Variants in EPB41L1 observed in about 807,000 individuals in gnomAD.
EPB41L1 encodes band 4.1-like protein 1.
Under a neutral mutation model 97.8 loss-of-function variants are expected in EPB41L1, and 29 were observed. The observed-to-expected ratio is 0.30, with a 90% CI of 0.22 to 0.40. The LOEUF (loss-of-function observed/expected upper bound fraction) is 0.40, where lower values mean the gene tolerates loss of function less well. EPB41L1 is among the 10% of genes least tolerant of loss of function. EPB41L1 has a pLI of 1.00. For synonymous variants in EPB41L1, 383 were observed against 459.2 expected, an observed-to-expected ratio of 0.83 and a Z score of 2.12; for missense variants, 812 against 1,162.3, an observed-to-expected ratio of 0.70 and a Z score of 4.38.
chr20:36,187,523 C>T (rs1332813581), intron 7 of EPB41L1, among the ~76,000 whole-genome samples, 153 bp from the exon 8 acceptor site: 1 of 152,130 alleles, frequency 6.6e-6, no homozygotes, highest in Non-Finnish European at 1.5e-5. Context: ...TGGGGTACAC[C>T]CTCCTGCTCT....
Position 36,212,498 on chromosome 20 carries a change from T to G in EPB41L1, c.2184+122T>G. 1 of 802,670 alleles carries G rather than the reference T, an allele frequency of 1.2e-6. No individual in the cohort carries two copies. The highest frequency in any genetic ancestry group is 2.1e-6 in the Non-Finnish European group (1 of 480,698). The allele number at this position is 802,670 out of a possible 1,614,324, so 49.7% of individuals were successfully genotyped here. On this transcript the variant is annotated intron_variant, in intron 16 of 21. Transcript: ENST00000338074. This position sits in a 1 kb window ranked among gnomAD's most constrained non-coding sequence, Gnocchi z 4.8. Reference sequence around the variant, plus strand: ...AATCTCAGCTTCCCTGGAACCCATATGTTAATCCTGATGCTCTCCTGTGCC... The same window carrying G: ...AATCTCAGCTTCCCTGGAACCCATAGGTTAATCCTGATGCTCTCCTGTGCC...
intron 2 of EPB41L1, among the ~76,000 whole-genome samples, chr20:36,175,159 C>T (rs1321238395): frequency 6.6e-6 from 1 of 152,182 alleles, no homozygotes; most frequent in African/African-American, 2.4e-5. Context: ...TCCACAGCTC[C>T]CAGACTCCTG....
chr20:36,104,030 A>G (rs1480382948), intron 1 of EPB41L1, among the ~76,000 whole-genome samples: 1 of 152,138 alleles, frequency 6.6e-6, no homozygotes, highest in Non-Finnish European at 1.5e-5. Flanking sequence ...ACAAACATCT[A>G]CTACGTTCTG....
In EPB41L1 at chr20:36,190,495, C is replaced by T; in HGVS notation, c.1124+121C>T. On this transcript the variant is annotated intron_variant, in intron 10 of 21. Transcript: ENST00000338074. The surrounding 1 kb of genome is among the most constrained non-coding windows in gnomAD (Gnocchi z 5.8). Reference sequence around the variant, plus strand: ...CCTCCACCCTTTCCCCAAGTCCCTCCCTTCCTGGACCACTTTGAATTGTTG... The same window carrying T: ...CCTCCACCCTTTCCCCAAGTCCCTCTCTTCCTGGACCACTTTGAATTGTTG... 2.6e-6 allele frequency: 4 copies of T among 1,529,712 alleles called. No homozygotes were observed. The highest frequency in any genetic ancestry group is 3.6e-6 in the Non-Finnish European group (4 of 1,115,224). The allele number at this position is 1,529,712 out of a possible 1,614,324, so 94.8% of individuals were successfully genotyped here. A position where few individuals can be genotyped will look rare whatever the true frequency, so the allele number is the denominator to read the frequency against.
At chr20:36,187,101 C>G (rs1197296376) in intron 7 of EPB41L1, among the ~76,000 whole-genome samples, 1 of 152,102 alleles carries the variant, frequency 6.6e-6, no homozygotes, top group African/African-American at 2.4e-5. Context: ...AGAACAGTAA[C>G]CAGCACATAG....
chr20:36,093,832 T>A lies in EPB41L1; in HGVS notation c.-65+2220T>A, dbSNP rs1406795042. On this transcript the variant is annotated intron_variant, in intron 1 of 19. Coordinates refer to the EPB41L1 transcript ENST00000202028. The surrounding 1 kb of genome is among the most constrained non-coding windows in gnomAD (Gnocchi z 5.4). ...CATTTCCTGTTGTGGCCAGGGGACA[T>A]GTCCCCTCCGGCCTCCCCCCAGCCC... Among the ~76,000 whole-genome samples, 3 of 151,594 alleles carry A rather than the reference T, an allele frequency of 2.0e-5. No individual in the cohort carries two copies. The highest frequency in any genetic ancestry group is 4.4e-5 in the Non-Finnish European group (3 of 67,838).
At chr20:36,189,867 G>C (rs142170413) in intron 9 of EPB41L1, among the ~76,000 whole-genome samples, 2 of 152,318 alleles carry the variant, frequency 1.3e-5, no homozygotes, top group African/African-American at 4.8e-5. Flanking sequence ...TTGATTCAGT[G>C]AATGAACAGG....
At chr20:36,121,936 T>G (rs1286933064) in intron 2 of EPB41L1, 1 of 152,188 alleles carries the variant, frequency 6.6e-6, no homozygotes, top group Non-Finnish European at 1.5e-5. Flanking sequence ...TTCTGCCTTG[T>G]GAAGGGTGGT....
chr20:36,210,139 G>T (rs1013764608), intron 15 of EPB41L1, among the ~76,000 whole-genome samples: 1 of 152,168 alleles, frequency 6.6e-6, no homozygotes, highest in Non-Finnish European at 1.5e-5. Flanking sequence ...GAAGTCGAGC[G>T]ATGACAGGTA....
chr20:36,186,694 A>G (rs999657214), intron 7 of EPB41L1, among the ~76,000 whole-genome samples: 1 of 152,200 alleles, frequency 6.6e-6, no homozygotes. Flanking sequence ...ATAGCAAGAC[A>G]TCTTAGGATT....
At chr20:36,100,057 T>G (rs997790420) in intron 1 of EPB41L1, among the ~76,000 whole-genome samples, 1 of 152,086 alleles carries the variant, frequency 6.6e-6, no homozygotes, top group Non-Finnish European at 1.5e-5. Flanking sequence ...GGCTCTGGAG[T>G]CTAGATGTAA....
At chr20:36,161,714 A>G (rs1380390335) in intron 1 of EPB41L1, among the ~76,000 whole-genome samples, 3 of 151,496 alleles carry the variant, frequency 2.0e-5, no homozygotes, top group Non-Finnish European at 4.4e-5. Flanking sequence ...ACCTCAGGTG[A>G]TCTGCCTGCC....
Position 36,209,568 on chromosome 20 carries a change from G to A in EPB41L1, c.1749G>A (p.Glu583=), listed in dbSNP as rs185073679. 144 of 1,614,116 alleles carry A rather than the reference G, an allele frequency of 8.9e-5. No homozygotes were observed. The highest frequency in any genetic ancestry group is 1.2e-4 in the Non-Finnish European group (144 of 1,180,004). Residue 583 remains glutamate (E), a synonymous_variant, in exon 15 of 22, where the codon GAG becomes GAA. Transcript: ENST00000338074. This position sits in a 1 kb window ranked among gnomAD's most constrained non-coding sequence, Gnocchi z 4.2. ...CCCCAGAGAGTGACACAGGCGATGAGGACCAGGACCAGGAGAGGGACACGG... is the reference window on the plus strand; with the variant it reads ...CCCCAGAGAGTGACACAGGCGATGAAGACCAGGACCAGGAGAGGGACACGG... ...PRAPESDTGD[E]DQDQERDTVF... is the part of the protein sequence containing the mutation.
rs897837259 is a variant in EPB41L1, at chr20:36,092,461, C to T, written c.-65+849C>T. Among the ~76,000 whole-genome samples, 16 of 152,096 alleles carry T rather than the reference C, an allele frequency of 1.1e-4. No individual in the cohort carries two copies. Among genetic ancestry groups the T allele is most frequent in the South Asian group, 2.1e-4 (1 of 4,832 alleles). On this transcript the variant is annotated intron_variant, in intron 1 of 19. Coordinates refer to the EPB41L1 transcript ENST00000202028. This position sits in a 1 kb window ranked among gnomAD's most constrained non-coding sequence, Gnocchi z 7.0. ...CAGCCCCTTCCTCTGCTCCCCTCCC[C>T]GGGACCGGCGCGCGGCCCCAGCTCC... is the stretch of plus-strand genomic sequence containing the variant.
intron 1 of EPB41L1, among the ~76,000 whole-genome samples, chr20:36,160,435 G>A (rs1262897539): frequency 1.3e-5 from 2 of 151,830 alleles, no homozygotes; most frequent in African/African-American, 2.4e-5. Flanking sequence ...AATACAAAAA[G>A]TTAGCCGGGC....
intron 2 of EPB41L1, among the ~76,000 whole-genome samples, chr20:36,149,621 C>G (rs1035794596): frequency 2.6e-5 from 4 of 152,332 alleles, no homozygotes; most frequent in Non-Finnish European, 5.9e-5. Flanking sequence ...AGAGTGCCAA[C>G]CTCAGTGAAA....
rs754073134 is a variant in EPB41L1 at position 36,188,504 on chromosome 20, G to C, written c.1026+5G>C. The C allele has an allele frequency of 2.2e-5, 35 of 1,610,954 alleles. No homozygotes were observed. The highest frequency in any genetic ancestry group is 2.8e-5 in the Non-Finnish European group (33 of 1,178,926). ...ATCAAGATCCGGCCTGGGGAGGTGA[G>C]TCTGCCTTGGGAAACACTCCTCCTC... On this transcript the variant is annotated splice_donor_5th_base_variant and intron_variant, in intron 9 of 21. Coordinates refer to ENST00000338074, the MANE Select transcript of EPB41L1 (RefSeq NM_012156.2).
intron 2 of EPB41L1, among the ~76,000 whole-genome samples, chr20:36,133,391 C>T (rs999238740): frequency 1.3e-5 from 2 of 152,244 alleles, no homozygotes; most frequent in African/African-American, 4.8e-5. Flanking sequence ...TGCTCCCTGA[C>T]CTTGAGCATG....
chr20:36,138,458 T>C (rs959889192), intron 2 of EPB41L1, among the ~76,000 whole-genome samples: 1 of 152,040 alleles, frequency 6.6e-6, no homozygotes, highest in African/African-American at 2.4e-5. Flanking sequence ...AGACAGGGTT[T>C]CACCATGTTG....
Sources: allele counts gnomAD v4.1 joint callset (sites outside exome capture counted in the v4.1 genomes callset), GRCh38; gene constraint gnomAD v4.1.1; non-coding constraint Gnocchi (gnomAD v3.1); transcripts MANE v1.5; gene names NCBI Gene and HGNC (gene_info 2026-07-23, HGNC 2026-07-21).